Variants in NFIA observed in about 807,000 individuals in gnomAD.
The protein encoded by NFIA is nuclear factor I A.
Under a neutral mutation model 62.8 loss-of-function variants are expected in NFIA, and 8 were observed. The ratio of observed to expected loss-of-function variants is 0.13; its 90% CI spans 0.07 to 0.23. The LOEUF (loss-of-function observed/expected upper bound fraction) is 0.23. Ranked by LOEUF, NFIA falls within the 10% of genes least tolerant of loss-of-function variation. NFIA has a pLI of 1.00. For synonymous variants in NFIA, 235 were observed against 238.1 expected (o/e 0.99, Z 0.12); for missense variants, 410 against 642.1 (o/e 0.64, Z 3.91).
At chr1:61,237,239 A>G (rs1655064949) in intron 2 of NFIA, among the ~76,000 whole-genome samples, 2 of 152,236 alleles carry the variant, frequency 1.3e-5, no homozygotes, top group South Asian at 2.1e-4. Flanking sequence ...TCGCAAGTCA[A>G]AGCACTCTCC....
In NFIA at chr1:61,457,292, A is replaced by G. The variant is rs998895685; in HGVS notation, c.*1972A>G. 2.0e-5 allele frequency: 3 copies of G among 152,204 alleles called. No individual in the cohort carries two copies. The highest frequency in any genetic ancestry group is 6.5e-5 in the Admixed American group (1 of 15,288). 9.4% of individuals were successfully genotyped at this position (152,204 alleles called of 1,614,324 possible). ...TGCCCTGGATAGCGATTATTTGTGG[A>G]ATTGTTGCACATGCTCCTCTATTGA... On this transcript the variant is annotated 3_prime_UTR_variant, in exon 11 of 11. Coordinates refer to ENST00000403491, the MANE Select transcript of NFIA (RefSeq NM_001134673.4). This position sits in a 1 kb window ranked among gnomAD's most constrained non-coding sequence, Gnocchi z 4.2.
chr1:61,227,226 T>G (rs1193145057), intron 2 of NFIA, among the ~76,000 whole-genome samples: 1 of 152,254 alleles, frequency 6.6e-6, no homozygotes, highest in African/African-American at 2.4e-5. Flanking sequence ...TTGGATTGGC[T>G]TTATTTGCCG....
chr1:61,142,368 T>C (rs1647598888), intron 2 of NFIA, among the ~76,000 whole-genome samples: 1 of 152,198 alleles, frequency 6.6e-6, no homozygotes, highest in Admixed American at 6.5e-5. Flanking sequence ...CCCGGCAAAT[T>C]TCAAAGCTGA....
chr1:61,130,955 A>G (rs531033593), intron 2 of NFIA, among the ~76,000 whole-genome samples: 1 of 152,112 alleles, frequency 6.6e-6, no homozygotes, highest in African/African-American at 2.4e-5. Context: ...TTTTTCCTCA[A>G]GGCACAAAAG....
intron 3 of NFIA, among the ~76,000 whole-genome samples, chr1:61,330,456 C>T (rs1443201805): frequency 3.2e-5 from 4 of 125,662 alleles, no homozygotes; most frequent in African/African-American, 1.1e-4. Context: ...CACACACACA[C>T]ACACGCACAC....
intron 2 of NFIA, among the ~76,000 whole-genome samples, chr1:61,094,417 T>C (rs1328986775): frequency 6.6e-6 from 1 of 152,232 alleles, no homozygotes; most frequent in Non-Finnish European, 1.5e-5. Context: ...TAATTTGTCT[T>C]CCCACAATTT....
chr1:61,297,301 C>T (rs1659239486), intron 3 of NFIA, among the ~76,000 whole-genome samples: 1 of 152,162 alleles, frequency 6.6e-6, no homozygotes, highest in African/African-American at 2.4e-5. Context: ...CTATCTTCCA[C>T]TTTTGTATTT....
intron 1 of NFIA, among the ~76,000 whole-genome samples, chr1:61,087,839 T>C (rs1357730925): frequency 6.6e-6 from 1 of 152,212 alleles, no homozygotes; most frequent in Non-Finnish European, 1.5e-5. Context: ...TAGATAAACT[T>C]CACTTACTAT....
At chr1:61,164,496 G>A (rs1649431971) in intron 2 of NFIA, among the ~76,000 whole-genome samples, 1 of 151,906 alleles carries the variant, frequency 6.6e-6, no homozygotes, top group African/African-American at 2.4e-5. Flanking sequence ...GTATTGCTCT[G>A]TCGCCCAGGC....
chr1:61,447,810 G>A (rs1163234693), intron 10 of NFIA, among the ~76,000 whole-genome samples: 2 of 152,074 alleles, frequency 1.3e-5, no homozygotes, highest in African/African-American at 4.8e-5. Context: ...GGGGGTCTCC[G>A]GCTCCCAGAG....
At position 61,133,838 on chromosome 1, in the gene NFIA, T is replaced by C. The variant is rs529574787; in HGVS notation, c.559+45158T>C. Among the ~76,000 whole-genome samples, 31 of 152,192 alleles carry C rather than the reference T, an allele frequency of 2.0e-4. 1 individual carries two copies. In the South Asian group the frequency reaches 6.2e-3, roughly 31 times the overall value. The stretch of plus-strand genomic sequence containing the variant: ...CAGCCTGGGCAACATAGTGAGACCC[T>C]GTCTCTTAAAGGAATAATAGGGGCT... On this transcript the variant is annotated intron_variant, in intron 2 of 10. Transcript: ENST00000403491.
At chr1:61,419,645 A>T (rs1325301347) in intron 9 of NFIA, among the ~76,000 whole-genome samples, 1 of 152,116 alleles carries the variant, frequency 6.6e-6, no homozygotes, top group Non-Finnish European at 1.5e-5. Context: ...TTGACCTCCT[A>T]CTGCCCTTAG....
chr1:61,446,607 C>A (rs975323891), intron 10 of NFIA, among the ~76,000 whole-genome samples: 1 of 152,198 alleles, frequency 6.6e-6, no homozygotes. Context: ...CCAAAGGTGG[C>A]AGATGCTATC....
chr1:61,256,713 A>G (rs1570463545), intron 2 of NFIA, among the ~76,000 whole-genome samples: 1 of 152,290 alleles, frequency 6.6e-6, no homozygotes. Context: ...TGTATGTTGT[A>G]TACTTTCATG....
At chr1:61,403,961 G>A in intron 7 of NFIA, 143 bp from the exon 8 acceptor site, 1 of 915,178 alleles carries the variant, frequency 1.1e-6, no homozygotes, top group African/African-American at 1.7e-5. Context: ...AAATCTGTCA[G>A]ACCTATCCAG....
intron 2 of NFIA, among the ~76,000 whole-genome samples, chr1:61,196,274 A>AGGATTTTT (rs904882588): frequency 1.5e-4 from 23 of 152,318 alleles, no homozygotes; most frequent in African/African-American, 5.1e-4. Context: ...AACTTTATAA[A>AGGATTTTT]GGATTTTTGC....
At chr1:61,435,730 C>T (rs763275309) in intron 10 of NFIA, among the ~76,000 whole-genome samples, 3 of 152,106 alleles carry the variant, frequency 2.0e-5, no homozygotes, top group Non-Finnish European at 4.4e-5. Context: ...AAATCATGAC[C>T]GTCACCTAGG....
intron 10 of NFIA, among the ~76,000 whole-genome samples, chr1:61,448,398 A>G (rs1667917020): frequency 6.6e-6 from 1 of 152,230 alleles, no homozygotes; most frequent in Admixed American, 6.5e-5. Context: ...ATTAAATAAG[A>G]GAAAGCCGCC....
chr1:61,241,743 G>A (rs1655360758), intron 2 of NFIA, among the ~76,000 whole-genome samples: 1 of 152,020 alleles, frequency 6.6e-6, no homozygotes, highest in African/African-American at 2.4e-5. Context: ...CTTGGCACGA[G>A]TGGCTGTAGT....
Sources: allele counts gnomAD v4.1 joint callset (sites outside exome capture counted in the v4.1 genomes callset), GRCh38; gene constraint gnomAD v4.1.1; non-coding constraint Gnocchi (gnomAD v3.1); transcripts MANE v1.5; gene names NCBI Gene and HGNC (gene_info 2026-07-23, HGNC 2026-07-21).